DMD: variants seen among roughly 807,000 people sequenced by gnomAD.
DMD encodes the protein mutant dystrophin.
DMD carries 63 observed loss-of-function variants against 330.1 expected under a neutral mutation model. That is an observed-to-expected ratio of 0.19 (90% CI 0.16 to 0.24). The LOEUF (loss-of-function observed/expected upper bound fraction) is 0.24. DMD is among the 10% of genes least tolerant of loss of function. The pLI, the probability that DMD is intolerant of heterozygous loss-of-function variation, is 1.00. For synonymous variants in DMD, 1,223 were observed against 959.8 expected (o/e 1.27, Z -5.07); for missense variants, 3,344 against 2,684.1 (o/e 1.25, Z -5.43).
rs147127703 is a variant in DMD at position 33,047,266 on chromosome X, A to G, written c.32-27066T>C. On this transcript the variant is annotated intron_variant, in intron 1 of 78. Transcript: ENST00000357033. ...TAAACAATAGCCACATAATAATACT[A>G]TCTAAGGGAACATTACTGATGTACC... 5.2e-3 allele frequency among the ~76,000 whole-genome samples: 589 copies of G among 112,199 alleles called. 4 individuals are homozygous for G. Among genetic ancestry groups the G allele is most frequent in the African/African-American group, 0.016 (505 of 30,941 alleles).
chrX:32,867,084 C>G (rs1435714755), intron 2 of DMD, among the ~76,000 whole-genome samples: 1 of 110,492 alleles, frequency 9.1e-6, no homozygotes, highest in Non-Finnish European at 1.9e-5. Flanking sequence ...GTGTTTAACT[C>G]TTCTGTTGTA....
intron 45 of DMD, among the ~76,000 whole-genome samples, chrX:31,966,743 T>C (rs904792354): frequency 3.3e-4 from 37 of 111,226 alleles, no homozygotes; most frequent in African/African-American, 1.2e-3. Context: ...GGCATATTGC[T>C]ACATCTTTGT....
intron 44 of DMD, among the ~76,000 whole-genome samples, chrX:32,053,990 T>C (rs1309320239): frequency 9.2e-6 from 1 of 108,957 alleles, no homozygotes; most frequent in Non-Finnish European, 1.9e-5. Context: ...AATATTGATT[T>C]TGTCCATTAG....
intron 53 of DMD, among the ~76,000 whole-genome samples, chrX:31,662,328 A>C (rs1346428928): frequency 1.8e-5 from 2 of 111,555 alleles, no homozygotes; most frequent in African/African-American, 6.5e-5. Flanking sequence ...TACTGCTAGC[A>C]CATCTACTAC....
chrX:32,372,414 C>T (rs982969727), intron 34 of DMD, among the ~76,000 whole-genome samples: 17 of 111,680 alleles, frequency 1.5e-4, no homozygotes, highest in African/African-American at 3.9e-4. Context: ...GGAACTTGTG[C>T]AGTTCCAGTA....
intron 1 of DMD, chrX:33,339,221 T>A: frequency 9.8e-7 from 1 of 1,025,633 alleles, no homozygotes; most frequent in Non-Finnish European, 1.3e-6. Context: ...CAGCTTCTAA[T>A]TGTATTTGTA....
chrX:32,002,072 T>G (rs1384365863), intron 44 of DMD, among the ~76,000 whole-genome samples: 1 of 111,977 alleles, frequency 8.9e-6, no homozygotes, highest in Admixed American at 9.5e-5. Flanking sequence ...GGTCAAAGCC[T>G]GACCCAGCTT....
At chrX:32,641,434 A>ATATAAATATATATATATATATATC (rs1569367064) in intron 11 of DMD, 1 of 114,129 alleles carries the variant, frequency 8.8e-6, no homozygotes, top group Admixed American at 1.1e-4. Flanking sequence ...ATATATATAT[A>ATATAAATATATATATATATATATC]TATCTCACAA....
intron 2 of DMD, among the ~76,000 whole-genome samples, chrX:32,906,766 C>T (rs781688953): frequency 5.4e-5 from 6 of 111,290 alleles, no homozygotes; most frequent in Non-Finnish European, 9.4e-5. Flanking sequence ...TGAGAGAGAG[C>T]AGTTAGGATG....
intron 4 of DMD, among the ~76,000 whole-genome samples, chrX:32,832,196 G>C (rs753105513): frequency 5.0e-4 from 56 of 111,073 alleles, no homozygotes; most frequent in Non-Finnish European, 9.1e-4. Flanking sequence ...TTTTCACTCA[G>C]TCTTGGTGAT....
chrX:31,790,602 A>G (rs922390502), intron 50 of DMD, among the ~76,000 whole-genome samples: 1 of 111,587 alleles, frequency 9.0e-6, no homozygotes. Flanking sequence ...TAAACCATAG[A>G]TGCTACATCT....
intron 29 of DMD, among the ~76,000 whole-genome samples, chrX:32,433,670 T>G (rs1160216648): frequency 1.8e-5 from 2 of 110,871 alleles, no homozygotes; most frequent in Non-Finnish European, 3.8e-5. Flanking sequence ...AGGGAAAGAC[T>G]CCATCTCAAA....
chrX:32,692,080 C>T (rs763105110), intron 9 of DMD, among the ~76,000 whole-genome samples: 13 of 112,011 alleles, frequency 1.2e-4, no homozygotes, highest in Non-Finnish European at 2.4e-4. Context: ...ATCTGTTGTA[C>T]AACTTGTACC....
At chrX:33,192,802 A>G (rs2050728289) in intron 1 of DMD, among the ~76,000 whole-genome samples, 1 of 111,865 alleles carries the variant, frequency 8.9e-6, no homozygotes, top group Non-Finnish European at 1.9e-5. Flanking sequence ...CCCACCAACA[A>G]AAAGTAATTC....
intron 51 of DMD, among the ~76,000 whole-genome samples, chrX:31,736,557 T>C (rs551120709): frequency 8.9e-6 from 1 of 112,063 alleles, no homozygotes; most frequent in South Asian, 3.7e-4. Flanking sequence ...AAACAACTAA[T>C]AATTTGTTTT....
At chrX:32,253,866 C>T (rs2097287821) in intron 43 of DMD, among the ~76,000 whole-genome samples, 1 of 110,628 alleles carries the variant, frequency 9.0e-6, no homozygotes, top group Non-Finnish European at 1.9e-5. Flanking sequence ...TCATAATCTG[C>T]CCGTCTCAGC....
intron 1 of DMD, among the ~76,000 whole-genome samples, chrX:33,049,242 C>T (rs2765387): frequency 0.48 from 52,828 of 110,654 alleles, 9,738 homozygotes; most frequent in Non-Finnish European, 0.59. Context: ...GAGCTCCAAA[C>T]TTATCACGAT....
chrX:31,545,132 G>A (rs1008475786), intron 55 of DMD, among the ~76,000 whole-genome samples: 5 of 111,772 alleles, frequency 4.5e-5, no homozygotes, highest in Non-Finnish European at 9.4e-5. Context: ...GTAAAATATC[G>A]TTGTTCCATG....
intron 2 of DMD, among the ~76,000 whole-genome samples, chrX:33,019,457 C>A (rs1428846593): frequency 9.0e-6 from 1 of 111,175 alleles, no homozygotes; most frequent in South Asian, 3.7e-4. Flanking sequence ...TTACCCAAAT[C>A]GAGAATAATA....
Sources: gnomAD v4.1 joint callset for allele counts (sites outside exome capture counted in the v4.1 genomes callset) on GRCh38, gnomAD v4.1.1 for gene constraint, MANE v1.5 for transcripts, NCBI Gene and HGNC (gene_info 2026-07-23, HGNC 2026-07-21) for gene names.